Variants in MAGIX observed in about 807,000 individuals in gnomAD.
MAGIX encodes the protein PDZ domain-containing protein MAGIX.
In MAGIX, 13 loss-of-function variants were observed where a neutral mutation model predicts 10.0. The ratio of observed to expected loss-of-function variants is 1.30; its 90% CI spans 0.84 to 2.06. MAGIX has a LOEUF of 2.06. MAGIX is among the 30% of genes most tolerant of loss of function. The pLI is 0.00. For missense variants in MAGIX, 235 were observed against 245.2 expected (o/e 0.96, Z 0.28); for synonymous variants, 108 against 106.8 (o/e 1.01, Z -0.07).
rs376646988 is a variant in MAGIX at position 49,164,866 on chromosome X, C to T, written c.106C>T (p.Arg36Cys). ...ACACCTGTGTCCTTTATTCCAGCACCGTTGGTTAGAGACATGTAACGCACC... is the reference window on the plus strand; with the variant it reads ...ACACCTGTGTCCTTTATTCCAGCACTGTTGGTTAGAGACATGTAACGCACC... The change falls in exon 3 of 5, where the codon CGT becomes TGT. Residue 36 changes from arginine (R) to cysteine (C), a missense_variant. Physicochemically the swap from Arg to Cys is radical, Grantham distance 180 (BLOSUM62 -3). Transcript: ENST00000616266. 9 of 1,210,353 alleles carry T rather than the reference C, an allele frequency of 7.4e-6. No homozygotes were observed. Among genetic ancestry groups the T allele is most frequent in the Middle Eastern group, 2.3e-4 (1 of 4,375 alleles).
intron 2 of MAGIX, chrX:49,164,389 C>T (rs1569525522): frequency 1.1e-5 from 4 of 376,007 alleles, no homozygotes; most frequent in Non-Finnish European, 1.8e-5. Context: ...TAGCATTCTC[C>T]AGGGTGGGCC....
exon 3 of MAGIX, chrX:49,164,728 C>T (rs1557097130): frequency 5.0e-6 from 6 of 1,211,196 alleles, no homozygotes; most frequent in African/African-American, 3.5e-5. Context: ...CTGGACTCTG[C>T]GGACATAGAG....
At chrX:49,166,575 C>T in exon 5 of MAGIX, 1 of 428,140 alleles carries the variant, frequency 2.3e-6, no homozygotes, top group Non-Finnish European at 4.0e-6. Context: ...ACCCTTCCAG[C>T]CGGCTAGCCT....
chrX:49,163,275 G>T (rs2065341600), intron 1 of MAGIX: 1 of 167,289 alleles, frequency 6.0e-6, no homozygotes, highest in African/African-American at 3.4e-5. Context: ...GGGGAGCTGG[G>T]GGCCCCTGGG....
exon 5 of MAGIX, chrX:49,166,409 T>C: frequency 9.0e-7 from 1 of 1,111,750 alleles, no homozygotes; most frequent in Non-Finnish European, 1.2e-6. Flanking sequence ...AGCCTACCTC[T>C]GACAGCGCGG....
At chrX:49,164,672 C>A in intron 2 of MAGIX, 35 bp from the exon 3 acceptor site, 13 of 1,153,699 alleles carry the variant, frequency 1.1e-5, no homozygotes, top group Non-Finnish European at 1.5e-5. Context: ...ATGGCATGTC[C>A]CCCAACAGCC....
intron 4 of MAGIX, chrX:49,165,780 C>T: frequency 2.1e-5 from 7 of 341,245 alleles, no homozygotes; most frequent in East Asian, 9.4e-5. Context: ...TGGGAGTCAA[C>T]GGAGGTGGGA....
exon 5 of MAGIX, chrX:49,166,490 C>T: frequency 1.3e-6 from 1 of 798,001 alleles, no homozygotes; most frequent in Non-Finnish European, 1.7e-6. Context: ...TCCCCAAGAG[C>T]TTCCACTTGG....
chrX:49,164,333 T>G (rs1279778540), intron 2 of MAGIX: 3 of 316,188 alleles, frequency 9.5e-6, no homozygotes, highest in Non-Finnish European at 1.7e-5. Flanking sequence ...GGTTAGAGGC[T>G]AATTAGAGGG....
chrX:49,166,282 C>G, exon 5 of MAGIX: 1 of 1,185,965 alleles, frequency 8.4e-7, no homozygotes, highest in Non-Finnish European at 1.1e-6. Flanking sequence ...ACGACCAGAT[C>G]CCGGGTTCCC....
chrX:49,163,605 C>A (rs1204677827), intron 1 of MAGIX, 178 bp from the exon 2 acceptor site: 2 of 366,121 alleles, frequency 5.5e-6, no homozygotes, highest in Non-Finnish European at 8.4e-6. Context: ...GCACCGGCTA[C>A]CCGCGACGGT....
At chrX:49,164,930 A>G in exon 3 of MAGIX, 1 of 1,211,878 alleles carries the variant, frequency 8.3e-7, no homozygotes, top group East Asian at 3.0e-5. Context: ...AGTGCTCCGA[A>G]GCCATCCCAG....
exon 5 of MAGIX, chrX:49,166,490 C>A: frequency 1.3e-6 from 1 of 798,001 alleles, no homozygotes; most frequent in Non-Finnish European, 1.7e-6. Context: ...TCCCCAAGAG[C>A]TTCCACTTGG....
At chrX:49,165,240 C>T in exon 4 of MAGIX, 1 of 1,183,914 alleles carries the variant, frequency 8.4e-7, no homozygotes, top group Non-Finnish European at 1.1e-6. Flanking sequence ...AGGGCCTCAC[C>T]CATGCCCAGG....
chrX:49,163,894 G>A, exon 2 of MAGIX: 1 of 1,029,123 alleles, frequency 9.7e-7, no homozygotes. Context: ...CTGGTACGCA[G>A]GGCGGGCGCC....
At chrX:49,166,442 C>T in exon 5 of MAGIX, 1 of 1,049,416 alleles carries the variant, frequency 9.5e-7, no homozygotes, top group Non-Finnish European at 1.3e-6. Flanking sequence ...ACCGCCCAAC[C>T]TGGATCCGGC....
At chrX:49,165,531 AG>A (rs2065360617) in intron 4 of MAGIX, 170 bp downstream of exon 5, 1 of 447,342 alleles carries the variant, frequency 2.2e-6, no homozygotes. Context: ...ACAGGGTCCC[AG>A]GATAGGAATA....
chrX:49,163,769 C>T lies in MAGIX; in HGVS notation c.-201-14C>T, dbSNP rs1406975592. 15 of 1,042,024 alleles carry T rather than the reference C, an allele frequency of 1.4e-5. No individual in the cohort carries two copies. The highest frequency in any genetic ancestry group is 1.8e-5 in the Non-Finnish European group (15 of 817,859). The allele number at this position is 1,042,024 out of a possible 1,213,427, so 85.9% of individuals were successfully genotyped here. ...GCCGAGGGTCGGCGTTGACCTGTCC[C>T]CTCTTGCGCGCAGGCCGCGGCCCCT... On this transcript the variant is annotated splice_polypyrimidine_tract_variant and intron_variant, in intron 1 of 4. Transcript: ENST00000616266.
At chrX:49,168,546 G>A (rs1257395778), downstream of MAGIX, 6 of 106,395 alleles carry the variant, frequency 5.6e-5, no homozygotes, top group African/African-American at 1.4e-4. Flanking sequence ...TTTGGGAGGC[G>A]GAGGCGGGTG....
Sources: gnomAD v4.1 joint callset for allele counts on GRCh38, gnomAD v4.1.1 for gene constraint, MANE v1.5 for transcripts, NCBI Gene and HGNC (gene_info 2026-07-23, HGNC 2026-07-21) for gene names.